The following NBEA variants were observed in gnomAD, a reference collection of about 807,000 sequenced individuals.
NBEA encodes the protein lysosomal-trafficking regulator 2.
A neutral mutation model predicts 343.4 loss-of-function variants in NBEA; 44 were observed. That is an observed-to-expected ratio of 0.13 (90% CI 0.10 to 0.16). The LOEUF (loss-of-function observed/expected upper bound fraction) is 0.16, where lower values mean the gene tolerates loss of function less well. NBEA is among the 10% of genes least tolerant of loss of function. The probability of loss-of-function intolerance (pLI) is 1.00; values close to 1 mark genes in which losing one functional copy is unlikely to be tolerated. For synonymous variants in NBEA, 1,175 were observed against 1,238.7 expected, an observed-to-expected ratio of 0.95 and a Z score of 1.08; for missense variants, 2,555 against 3,631.3, an observed-to-expected ratio of 0.70 and a Z score of 7.62.
chr13:35,594,776 A>C (rs2081692762), intron 47 of NBEA, among the ~76,000 whole-genome samples: 1 of 152,084 alleles, frequency 6.6e-6, no homozygotes, highest in Admixed American at 6.6e-5. Context: ...CAGAATTCAC[A>C]CAATGTTCAT....
chr13:34,988,639 G>A (rs1033777085), intron 1 of NBEA, among the ~76,000 whole-genome samples: 1 of 150,964 alleles, frequency 6.6e-6, no homozygotes, highest in Non-Finnish European at 1.5e-5. Context: ...GCCATTTGCT[G>A]CGGACCAGAG....
intron 38 of NBEA, among the ~76,000 whole-genome samples, chr13:35,372,537 C>T (rs896448795): frequency 1.3e-5 from 2 of 152,016 alleles, no homozygotes; most frequent in East Asian, 1.9e-4. Flanking sequence ...GGGGTTTTTC[C>T]GCAGCCCCCC....
intron 43 of NBEA, among the ~76,000 whole-genome samples, chr13:35,553,592 C>CAGAGATATTTTGCAAGATATCTTTGCA (rs2079445146): frequency 6.6e-6 from 1 of 151,912 alleles, no homozygotes; most frequent in Non-Finnish European, 1.5e-5. Flanking sequence ...GATATTCTGC[C>CAGAGATATTTTGCAAGATATCTTTGCA]AGAGATATTT....
At chr13:35,258,783 T>C (rs1363441640) in intron 34 of NBEA, among the ~76,000 whole-genome samples, 1 of 152,212 alleles carries the variant, frequency 6.6e-6, no homozygotes, top group African/African-American at 2.4e-5. Flanking sequence ...TTAATATGAT[T>C]TTTTAAATTT....
At chr13:35,558,095 C>T (rs1414635372) in intron 44 of NBEA, among the ~76,000 whole-genome samples, 1 of 152,084 alleles carries the variant, frequency 6.6e-6, no homozygotes, top group Non-Finnish European at 1.5e-5. Flanking sequence ...AGCATTAGTG[C>T]TATAAGGGGA....
intron 41 of NBEA, among the ~76,000 whole-genome samples, chr13:35,518,824 G>A (rs980099696): frequency 1.1e-4 from 16 of 152,068 alleles, no homozygotes; most frequent in African/African-American, 3.9e-4. Context: ...TTTGATTTGG[G>A]GCGGTGTGGG....
At chr13:35,227,720 A>C (rs1409238388) in intron 33 of NBEA, among the ~76,000 whole-genome samples, 1 of 152,040 alleles carries the variant, frequency 6.6e-6, no homozygotes, top group Admixed American at 6.6e-5. Flanking sequence ...ACATTGTGCT[A>C]AGTACCTAGG....
chr13:35,139,628 A>G (rs933176420), intron 17 of NBEA, among the ~76,000 whole-genome samples: 8 of 151,998 alleles, frequency 5.3e-5, no homozygotes, highest in African/African-American at 1.9e-4. Context: ...GTCCCACTGA[A>G]GCCTTTCCTG....
intron 38 of NBEA, among the ~76,000 whole-genome samples, chr13:35,367,643 A>T (rs1158024947): frequency 2.0e-5 from 3 of 151,244 alleles, no homozygotes; most frequent in Non-Finnish European, 4.5e-5. Flanking sequence ...ATTGATAAAG[A>T]TACCATTCAG....
At chr13:35,571,779 A>C (rs1433668434) in intron 45 of NBEA, among the ~76,000 whole-genome samples, 1 of 152,134 alleles carries the variant, frequency 6.6e-6, no homozygotes, top group Non-Finnish European at 1.5e-5. Flanking sequence ...CTGTTTTATC[A>C]TCTATTTGAG....
In NBEA at chr13:35,196,198, A is replaced by G. The variant is rs768658110; in HGVS notation, c.5262A>G (p.Pro1754=). 5 of 1,613,492 alleles carry G rather than the reference A, an allele frequency of 3.1e-6. No individual in the cohort carries two copies. Among genetic ancestry groups the G allele is most frequent in the Admixed American group, 3.3e-5 (2 of 59,968 alleles). Residue 1754 remains proline, a synonymous_variant, in exon 31 of 59, where the codon CCA becomes CCG. Coordinates refer to ENST00000379939, the MANE Select transcript of NBEA (RefSeq NM_001385012.1). ...KEILKSLVAA[P]VEIAECGPEP... is the part of the protein sequence containing the mutation. ...TACTGAAAAGTCTTGTGGCTGCTCCAGTTGAAATAGCAGAATGTGGCCCTG... is the reference window on the plus strand; with the variant it reads ...TACTGAAAAGTCTTGTGGCTGCTCCGGTTGAAATAGCAGAATGTGGCCCTG...
At chr13:35,418,051 T>C (rs1375508908) in intron 38 of NBEA, among the ~76,000 whole-genome samples, 1 of 152,184 alleles carries the variant, frequency 6.6e-6, no homozygotes, top group African/African-American at 2.4e-5. Context: ...TATCAGAGAC[T>C]AGGATTGCAA....
intron 17 of NBEA, among the ~76,000 whole-genome samples, chr13:35,129,295 A>G (rs523046): frequency 0.073 from 11,156 of 152,180 alleles, 906 homozygotes; most frequent in African/African-American, 0.19. Flanking sequence ...TAGAAATGTT[A>G]GATAAAAATA....
chr13:35,328,372 A>T (rs888122009), intron 36 of NBEA, among the ~76,000 whole-genome samples: 1 of 151,922 alleles, frequency 6.6e-6, no homozygotes, highest in Non-Finnish European at 1.5e-5. Context: ...AAAAATAAAT[A>T]CAGGGGGAAT....
chr13:35,601,200 A>C (rs2082031248), intron 47 of NBEA, among the ~76,000 whole-genome samples: 1 of 151,638 alleles, frequency 6.6e-6, no homozygotes, highest in Non-Finnish European at 1.5e-5. Flanking sequence ...AAAAAGAAAC[A>C]CACTTTGAAA....
chr13:35,137,450 C>CAA (rs1165178225), intron 17 of NBEA, among the ~76,000 whole-genome samples: 1 of 99,802 alleles, frequency 1.0e-5, no homozygotes, highest in Non-Finnish European at 2.1e-5. Flanking sequence ...ACACAGTCTC[C>CAA]AAAAAAAAAA....
rs1222328328 is a variant in NBEA at position 35,567,017 on chromosome 13, G to A, written c.7035G>A (p.Lys2345=). The change falls in exon 45 of 59, where the codon AAG becomes AAA. Residue 2345 remains lysine, a splice_region_variant and synonymous_variant. Coordinates refer to ENST00000379939, the MANE Select transcript of NBEA (RefSeq NM_001385012.1). ...TLPGNFRDLS[K]PIGALNPKRA... is the part of the protein sequence containing the mutation. ...CAGGAAACTTCAGGGATCTATCAAA[G>A]GTAACTTTTAAATATATAGAAGTCA... 6.4e-7 allele frequency: 1 copy of A among 1,566,168 alleles called. No homozygotes were observed. Among genetic ancestry groups the A allele is most frequent in the Admixed American group, 1.7e-5 (1 of 59,216 alleles).
intron 51 of NBEA, among the ~76,000 whole-genome samples, chr13:35,647,620 G>A (rs2084298274): frequency 6.6e-6 from 1 of 152,124 alleles, no homozygotes; most frequent in Non-Finnish European, 1.5e-5. Flanking sequence ...AGGCTGGAGT[G>A]CAGTGGCGCA....
intron 31 of NBEA, among the ~76,000 whole-genome samples, chr13:35,206,916 A>C (rs1400130597): frequency 2.0e-5 from 3 of 152,056 alleles, no homozygotes; most frequent in Non-Finnish European, 4.4e-5. Context: ...TTAGATGAGG[A>C]CTTGCCAATA....
Sources: gnomAD v4.1 joint callset for allele counts (sites outside exome capture counted in the v4.1 genomes callset) on GRCh38, gnomAD v4.1.1 for gene constraint, MANE v1.5 for transcripts, NCBI Gene and HGNC (gene_info 2026-07-23, HGNC 2026-07-21) for gene names.